DPP10: variants seen among roughly 807,000 people sequenced by gnomAD.
The protein encoded by DPP10 is dipeptidyl peptidase like 10, also known as inactive dipeptidyl peptidase 10.
Under a neutral mutation model 120.9 loss-of-function variants are expected in DPP10, and 33 were observed. The observed-to-expected ratio is 0.27, with a 90% confidence interval of 0.21 to 0.37. DPP10 has a LOEUF of 0.37. Ranked by LOEUF, DPP10 falls within the 10% of genes least tolerant of loss-of-function variation. The pLI, the probability that DPP10 is intolerant of heterozygous loss-of-function variation, is 1.00. For synonymous variants in DPP10, 337 were observed against 326.1 expected (o/e 1.03, Z -0.36); for missense variants, 816 against 942.8 (o/e 0.87, Z 1.76).
chr2:115,294,181 C>G (rs999507134), intron 1 of DPP10, among the ~76,000 whole-genome samples: 7 of 151,988 alleles, frequency 4.6e-5, no homozygotes, highest in Non-Finnish European at 8.8e-5. Context: ...GGGAGGGATG[C>G]CTTGGGAGCC....
At chr2:115,772,891 T>C (rs1681648769) in intron 13 of DPP10, among the ~76,000 whole-genome samples, 3 of 152,148 alleles carry the variant, frequency 2.0e-5, no homozygotes, top group African/African-American at 7.2e-5. Flanking sequence ...CCCTGTCACC[T>C]TCTAAAATTG....
intron 1 of DPP10, among the ~76,000 whole-genome samples, chr2:115,171,005 G>A (rs892309670): frequency 1.3e-5 from 2 of 151,994 alleles, no homozygotes; most frequent in Non-Finnish European, 1.5e-5. Context: ...AGTTCCCTCC[G>A]CCTCTCTACA....
chr2:115,556,492 G>T (rs2080224469), intron 5 of DPP10, among the ~76,000 whole-genome samples: 2 of 151,496 alleles, frequency 1.3e-5, no homozygotes, highest in South Asian at 4.2e-4. Context: ...CCTAGATTGT[G>T]AGAAAAGAGA....
intron 4 of DPP10, among the ~76,000 whole-genome samples, chr2:115,508,395 C>T (rs187956072): frequency 9.2e-4 from 139 of 151,830 alleles, no homozygotes; most frequent in African/African-American, 3.0e-3. Flanking sequence ...GAGCTCCTGC[C>T]GTAAGGATCT....
chr2:114,513,022 AG>A (rs1026257354), intron 1 of DPP10, among the ~76,000 whole-genome samples: 5 of 152,146 alleles, frequency 3.3e-5, no homozygotes, highest in African/African-American at 1.2e-4. Flanking sequence ...AAAAGGAGGA[AG>A]GGGGAGGGAA....
chr2:115,145,449 G>T (rs1184208045), intron 1 of DPP10, among the ~76,000 whole-genome samples: 2 of 152,070 alleles, frequency 1.3e-5, no homozygotes, highest in East Asian at 3.9e-4. Flanking sequence ...TATGCACTTA[G>T]GATTTATCAA....
At chr2:115,410,954 G>A (rs530051224) in intron 3 of DPP10, among the ~76,000 whole-genome samples, 56 of 151,598 alleles carry the variant, frequency 3.7e-4, no homozygotes, top group Non-Finnish European at 6.5e-4. Flanking sequence ...TTCTTTTTTA[G>A]TTACATTTTT....
At chr2:115,200,778 T>G (rs1235098261) in intron 1 of DPP10, among the ~76,000 whole-genome samples, 1 of 152,236 alleles carries the variant, frequency 6.6e-6, no homozygotes, top group Non-Finnish European at 1.5e-5. Context: ...TGTTTATACT[T>G]GTCTACTTGA....
chr2:115,570,883 T>G (rs1450007583), intron 5 of DPP10, among the ~76,000 whole-genome samples: 1 of 152,180 alleles, frequency 6.6e-6, no homozygotes, highest in Non-Finnish European at 1.5e-5. Context: ...ACATACTGCC[T>G]TGTAGGGTTA....
At chr2:114,961,142 C>T (rs544406180) in intron 1 of DPP10, among the ~76,000 whole-genome samples, 1 of 138,070 alleles carries the variant, frequency 7.2e-6, no homozygotes, top group Non-Finnish European at 1.5e-5. Flanking sequence ...ACCTCCACCT[C>T]CCGGGTTCAA....
intron 1 of DPP10, among the ~76,000 whole-genome samples, chr2:114,890,750 G>C (rs182172757): frequency 2.0e-5 from 3 of 152,242 alleles, no homozygotes; most frequent in South Asian, 2.1e-4. Context: ...TCGAAATGGC[G>C]ATATCTTCAT....
chr2:115,729,328 A>G (rs1377568763), intron 8 of DPP10, among the ~76,000 whole-genome samples: 2 of 152,168 alleles, frequency 1.3e-5, no homozygotes, highest in African/African-American at 2.4e-5. Context: ...TCTTCAAAAT[A>G]TTATTGGTAC....
At chr2:114,508,392 T>C (rs1039602671) in intron 1 of DPP10, among the ~76,000 whole-genome samples, 1 of 152,212 alleles carries the variant, frequency 6.6e-6, no homozygotes, top group African/African-American at 2.4e-5. Flanking sequence ...TTAGCATACT[T>C]TTTGTGATTG....
chr2:115,400,493 T>A (rs938598132), intron 3 of DPP10, among the ~76,000 whole-genome samples: 1 of 132,130 alleles, frequency 7.6e-6, no homozygotes, highest in Admixed American at 7.5e-5. Context: ...AAAAAAAAAA[T>A]CTTCAGTTCA....
At chr2:115,604,266 C>T (rs1448471) in intron 5 of DPP10, among the ~76,000 whole-genome samples, 150,412 of 152,206 alleles carry the variant, frequency 0.99, 74,348 homozygotes, top group East Asian at 1. Flanking sequence ...ACTCTATTTT[C>T]GGAGTTTTTC....
intron 1 of DPP10, among the ~76,000 whole-genome samples, chr2:115,128,267 T>A (rs1247954088): frequency 1.3e-5 from 2 of 152,206 alleles, no homozygotes; most frequent in Non-Finnish European, 2.9e-5. Context: ...GTATTTATTC[T>A]GTTAAGCCTC....
At chr2:114,463,891 A>C (rs13386092) in intron 1 of DPP10, among the ~76,000 whole-genome samples, 6,587 of 152,232 alleles carry the variant, frequency 0.043, 480 homozygotes, top group African/African-American at 0.15. Flanking sequence ...ATAAGATCAT[A>C]GATTATGTTG....
intron 1 of DPP10, among the ~76,000 whole-genome samples, chr2:114,501,410 A>G (rs1683167645): frequency 6.6e-6 from 1 of 152,212 alleles, no homozygotes; most frequent in African/African-American, 2.4e-5. Context: ...GAACAAGAAT[A>G]TATTTTTAAA....
intron 5 of DPP10, among the ~76,000 whole-genome samples, chr2:115,628,932 A>G (rs947261731): frequency 6.6e-6 from 1 of 152,066 alleles, no homozygotes; most frequent in Non-Finnish European, 1.5e-5. Context: ...CGTCATTTAC[A>G]TTAGGTATAT....
Sources: gnomAD v4.1 joint callset for allele counts (sites outside exome capture counted in the v4.1 genomes callset) on GRCh38, gnomAD v4.1.1 for gene constraint, MANE v1.5 for transcripts, NCBI Gene and HGNC (gene_info 2026-07-23, HGNC 2026-07-21) for gene names.